The following LAMA2 variants were observed in gnomAD, a reference collection of about 807,000 sequenced individuals.
LAMA2 encodes the protein laminin subunit alpha-2.
A neutral mutation model predicts 364.8 loss-of-function variants in LAMA2; 269 were observed. The observed-to-expected ratio is 0.74, with a 90% CI of 0.67 to 0.82. The LOEUF (loss-of-function observed/expected upper bound fraction) is 0.82. Among genes scored for constraint, LAMA2 ranks in the 40% least tolerant of loss-of-function variants. LAMA2 has a pLI of 0.00. For missense variants in LAMA2, 3,807 were observed against 3,873.2 expected (o/e 0.98, Z 0.45); for synonymous variants, 1,379 against 1,370.6 (o/e 1.01, Z -0.14).
At chr6:129,279,376 TG>T (rs1196331205) in intron 17 of LAMA2, among the ~76,000 whole-genome samples, 1 of 152,188 alleles carries the variant, frequency 6.6e-6, no homozygotes, top group Non-Finnish European at 1.5e-5. Context: ...TCAGCTCTAT[TG>T]CTTCAGACCC....
At chr6:129,155,840 G>A (rs904093272) in intron 8 of LAMA2, among the ~76,000 whole-genome samples, 3 of 151,340 alleles carry the variant, frequency 2.0e-5, no homozygotes, top group African/African-American at 7.3e-5. Context: ...ATTGTCTATA[G>A]TAGGGGCTTT....
rs189008646 is a variant in LAMA2 at position 129,127,646 on chromosome 6, C to A, written c.640-16255C>A. 1.2e-3 allele frequency among the ~76,000 whole-genome samples: 185 copies of A among 152,318 alleles called. 1 individual carries two copies. Among genetic ancestry groups the A allele is most frequent in the African/African-American group, 4.2e-3 (173 of 41,572 alleles). On this transcript the variant is annotated intron_variant, in intron 4 of 64. Coordinates refer to ENST00000421865, the MANE Select transcript of LAMA2 (RefSeq NM_000426.4). ...AATTTACATTCCCACCAACAGTGTACAAGGATTCTGTTTTTTCCATATTCT... is the reference window on the plus strand; with the variant it reads ...AATTTACATTCCCACCAACAGTGTAAAAGGATTCTGTTTTTTCCATATTCT...
At chr6:129,469,895 ACTAAT>A (rs1341257004) in intron 51 of LAMA2, among the ~76,000 whole-genome samples, 4 of 152,048 alleles carry the variant, frequency 2.6e-5, no homozygotes, top group African/African-American at 7.2e-5. Flanking sequence ...GAAAATGTAA[ACTAAT>A]CTATAGTCAC....
intron 41 of LAMA2, among the ~76,000 whole-genome samples, chr6:129,429,455 A>G (rs1448591370): frequency 6.6e-6 from 1 of 152,192 alleles, no homozygotes; most frequent in Non-Finnish European, 1.5e-5. Flanking sequence ...AAGAGGTTTT[A>G]AAATCATTTA....
chr6:129,391,388 T>C, intron 35 of LAMA2, 103 bp from the exon 36 acceptor site: 1 of 979,548 alleles, frequency 1.0e-6, no homozygotes, highest in South Asian at 1.3e-5. Flanking sequence ...CACGGCAAAA[T>C]ACTCTTCATT....
At chr6:128,997,915 C>T (rs186097360) in intron 1 of LAMA2, among the ~76,000 whole-genome samples, 6 of 152,174 alleles carry the variant, frequency 3.9e-5, no homozygotes, top group Middle Eastern at 6.8e-3. Flanking sequence ...AGGTTCGTAA[C>T]GAGGTGATTT....
intron 17 of LAMA2, among the ~76,000 whole-genome samples, chr6:129,273,239 GA>G (rs769706751): frequency 3.9e-5 from 6 of 152,134 alleles, no homozygotes; most frequent in Non-Finnish European, 8.8e-5. Flanking sequence ...TCACCCAATG[GA>G]AGACCTACTT....
At chr6:129,450,645 T>G (rs1314195762) in intron 45 of LAMA2, among the ~76,000 whole-genome samples, 2 of 152,188 alleles carry the variant, frequency 1.3e-5, no homozygotes, top group Non-Finnish European at 2.9e-5. Flanking sequence ...TAAACAAAAC[T>G]GATTTATTAG....
intron 52 of LAMA2, 109 bp downstream of exon 52, chr6:129,473,461 T>C: frequency 9.2e-7 from 1 of 1,082,034 alleles, no homozygotes; most frequent in Non-Finnish European, 1.4e-6. Context: ...TAACCCTTGG[T>C]TGCAGAAAGG....
intron 1 of LAMA2, among the ~76,000 whole-genome samples, chr6:128,956,928 A>C (rs1781191776): frequency 6.6e-6 from 1 of 152,098 alleles, no homozygotes; most frequent in African/African-American, 2.4e-5. Flanking sequence ...GACACACTGC[A>C]TGGAAATATC....
At chr6:129,391,035 G>A (rs1445352840) in intron 35 of LAMA2, among the ~76,000 whole-genome samples, 1 of 152,056 alleles carries the variant, frequency 6.6e-6, no homozygotes, top group Non-Finnish European at 1.5e-5. Context: ...GGAAATACAA[G>A]GGCAGGTTCA....
intron 1 of LAMA2, among the ~76,000 whole-genome samples, chr6:128,898,652 T>A (rs892680454): frequency 1.3e-5 from 2 of 152,214 alleles, no homozygotes; most frequent in African/African-American, 4.8e-5. Context: ...CATTTTACAA[T>A]CAATTTTCCA....
chr6:129,259,250 A>G (rs1447361542), intron 14 of LAMA2, among the ~76,000 whole-genome samples: 1 of 152,154 alleles, frequency 6.6e-6, no homozygotes, highest in Non-Finnish European at 1.5e-5. Flanking sequence ...ACACCTTGTA[A>G]TGAGCCTTTT....
intron 23 of LAMA2, among the ~76,000 whole-genome samples, chr6:129,313,874 C>T (rs1774384117): frequency 1.3e-5 from 2 of 152,168 alleles, no homozygotes; most frequent in African/African-American, 2.4e-5. Context: ...ATACCGAGTA[C>T]AATGCTGCAT....
chr6:129,103,102 A>G (rs1775609249), intron 4 of LAMA2, among the ~76,000 whole-genome samples: 1 of 152,194 alleles, frequency 6.6e-6, no homozygotes, highest in African/African-American at 2.4e-5. Flanking sequence ...CAACGTACCA[A>G]TCACCTGTCT....
chr6:129,178,386 T>C (rs2115017079), intron 10 of LAMA2, among the ~76,000 whole-genome samples: 1 of 152,312 alleles, frequency 6.6e-6, no homozygotes, highest in East Asian at 1.9e-4. Context: ...CTTCCAAGAT[T>C]ACTTTTAGAA....
chr6:129,147,106 A>C lies in LAMA2; in HGVS notation c.909+58A>C, dbSNP rs563840504. On this transcript the variant is annotated intron_variant, in intron 6 of 64. Transcript: ENST00000421865. ...GAAGCCCTGAGCTGTAAAATGTTTC[A>C]TGACAGTCTTTGCTGACAGAGAACG... 5 of 1,095,372 alleles carry C rather than the reference A, an allele frequency of 4.6e-6. No individual in the cohort carries two copies. In the East Asian group the frequency reaches 1.2e-4, roughly 26 times the overall value. The allele number at this position is 1,095,372 out of a possible 1,614,324, so 67.9% of individuals were successfully genotyped here.
At chr6:129,022,374 G>A (rs996026348) in intron 1 of LAMA2, among the ~76,000 whole-genome samples, 4 of 151,990 alleles carry the variant, frequency 2.6e-5, no homozygotes, top group East Asian at 1.9e-4. Flanking sequence ...CATGAAACTC[G>A]GGAGAAATTC....
At chr6:128,982,287 A>G (rs1375845632) in intron 1 of LAMA2, among the ~76,000 whole-genome samples, 1 of 152,108 alleles carries the variant, frequency 6.6e-6, no homozygotes, top group Non-Finnish European at 1.5e-5. Context: ...TTTGTTGTCA[A>G]TTTCCTTCCC....
Sources: allele counts gnomAD v4.1 joint callset (sites outside exome capture counted in the v4.1 genomes callset), GRCh38; gene constraint gnomAD v4.1.1; transcripts MANE v1.5; gene names NCBI Gene and HGNC (gene_info 2026-07-23, HGNC 2026-07-21).